The following GRIN2A variants were observed in gnomAD, a reference collection of about 807,000 sequenced individuals.
The protein encoded by GRIN2A is glutamate ionotropic receptor NMDA type subunit 2A.
Under a neutral mutation model 113.4 loss-of-function variants are expected in GRIN2A, and 22 were observed. The ratio of observed to expected loss-of-function variants is 0.19; its 90% CI spans 0.14 to 0.28. The LOEUF (loss-of-function observed/expected upper bound fraction) is 0.28. GRIN2A is among the 10% of genes least tolerant of loss of function. The pLI is 1.00. For missense variants in GRIN2A, 1,502 were observed against 1,887.0 expected (o/e 0.80, Z 3.78); for synonymous variants, 827 against 738.4 (o/e 1.12, Z -1.94).
intron 2 of GRIN2A, among the ~76,000 whole-genome samples, chr16:10,056,425 A>T (rs2047457613): frequency 6.6e-6 from 1 of 151,878 alleles, no homozygotes; most frequent in Non-Finnish European, 1.5e-5. Context: ...CTCCCTTCCC[A>T]TTCTACACCT....
At chr16:9,967,337 G>A (rs1185984626) in intron 2 of GRIN2A, among the ~76,000 whole-genome samples, 1 of 152,138 alleles carries the variant, frequency 6.6e-6, no homozygotes, top group African/African-American at 2.4e-5. Flanking sequence ...GAAGTAACTC[G>A]GGAATGGAAA....
chr16:9,872,304 C>T (rs1047340690), intron 4 of GRIN2A, among the ~76,000 whole-genome samples: 31 of 152,256 alleles, frequency 2.0e-4, no homozygotes, highest in African/African-American at 6.7e-4. Flanking sequence ...AGCTCCTAAC[C>T]GGTGCCATGC....
At chr16:9,960,126 A>C (rs2045407283) in intron 2 of GRIN2A, among the ~76,000 whole-genome samples, 1 of 152,204 alleles carries the variant, frequency 6.6e-6, no homozygotes, top group African/African-American at 2.4e-5. Flanking sequence ...CTAGTAGTAA[A>C]AAAGGAAAAA....
intron 4 of GRIN2A, among the ~76,000 whole-genome samples, chr16:9,883,057 G>A (rs550408713): frequency 1.3e-5 from 2 of 152,228 alleles, no homozygotes; most frequent in South Asian, 2.1e-4. Flanking sequence ...CACACCAGCT[G>A]GGAGATCTTA....
At chr16:9,854,903 T>C (rs1363680826) in intron 4 of GRIN2A, among the ~76,000 whole-genome samples, 1 of 152,176 alleles carries the variant, frequency 6.6e-6, no homozygotes, top group Non-Finnish European at 1.5e-5. Flanking sequence ...TCACATGCTA[T>C]TTTTGGAGCT....
At chr16:9,846,806 A>G (rs968984559) in intron 5 of GRIN2A, among the ~76,000 whole-genome samples, 1 of 152,164 alleles carries the variant, frequency 6.6e-6, no homozygotes, top group African/African-American at 2.4e-5. Flanking sequence ...CAGATCAGAA[A>G]AGACTCAGAA....
intron 2 of GRIN2A, among the ~76,000 whole-genome samples, chr16:10,125,740 C>T (rs1249939845): frequency 6.6e-6 from 1 of 152,006 alleles, no homozygotes; most frequent in Non-Finnish European, 1.5e-5. Context: ...GCCTTGCCTA[C>T]CCTGGGAAAG....
chr16:10,159,925 G>T (rs766804640), intron 2 of GRIN2A, among the ~76,000 whole-genome samples: 1 of 152,140 alleles, frequency 6.6e-6, no homozygotes, highest in Non-Finnish European at 1.5e-5. Context: ...TTACTTGCAG[G>T]AGAAACTGAA....
At chr16:9,890,742 C>G (rs1050712932) in intron 4 of GRIN2A, among the ~76,000 whole-genome samples, 11 of 152,140 alleles carry the variant, frequency 7.2e-5, no homozygotes, top group African/African-American at 2.7e-4. Flanking sequence ...CAGACCTTTC[C>G]TACTGGGATT....
chr16:9,812,236 C>G (rs549593627), intron 10 of GRIN2A, among the ~76,000 whole-genome samples: 2 of 152,044 alleles, frequency 1.3e-5, no homozygotes, highest in African/African-American at 4.8e-5. Flanking sequence ...TGATGGTCAC[C>G]GTCATATAGG....
chr16:9,983,448 T>C (rs540716364), intron 2 of GRIN2A, among the ~76,000 whole-genome samples: 5 of 151,806 alleles, frequency 3.3e-5, no homozygotes, highest in Admixed American at 6.6e-5. Context: ...TATTCTTTTT[T>C]TTTTTTTTTG....
Position 9,849,929 on chromosome 16 carries a change from C to T in GRIN2A, c.1155G>A (p.Leu385=), listed in dbSNP as rs139119497. The change falls in exon 5 of 13, where the codon CTG becomes CTA. Residue 385 remains leucine (L), a synonymous_variant. Coordinates refer to ENST00000330684, the MANE Select transcript of GRIN2A (RefSeq NM_001134407.3). ...VGKWENHTLS[L]RHAVWPRYKS... Reference sequence around the variant, plus strand: ...TGTACCTGGGCCACACGGCGTGCCTCAGGCTCAGCGTATGGTTCTCCCACT... The same window carrying T: ...TGTACCTGGGCCACACGGCGTGCCTTAGGCTCAGCGTATGGTTCTCCCACT... The T allele has an allele frequency of 1.2e-6, 2 of 1,614,084 alleles. No individual in the cohort carries two copies. Among genetic ancestry groups the T allele is most frequent in the Non-Finnish European group, 1.7e-6 (2 of 1,179,970 alleles).
At chr16:10,090,317 G>A (rs1596494335) in intron 2 of GRIN2A, among the ~76,000 whole-genome samples, 1 of 152,204 alleles carries the variant, frequency 6.6e-6, no homozygotes, top group South Asian at 2.1e-4. Flanking sequence ...CAGAAATCAA[G>A]AGAGTGTGGT....
chr16:9,994,863 T>C (rs1321204186), intron 2 of GRIN2A, among the ~76,000 whole-genome samples: 3 of 152,170 alleles, frequency 2.0e-5, no homozygotes, highest in Non-Finnish European at 4.4e-5. Flanking sequence ...GCTGGGATCT[T>C]GATGATGGTG....
chr16:9,830,306 A>T (rs1432803735), intron 8 of GRIN2A, among the ~76,000 whole-genome samples: 1 of 152,190 alleles, frequency 6.6e-6, no homozygotes, highest in African/African-American at 2.4e-5. Flanking sequence ...ATATCACAGC[A>T]CTTTTTCCAG....
intron 2 of GRIN2A, among the ~76,000 whole-genome samples, chr16:9,950,442 C>T (rs891180426): frequency 6.6e-6 from 1 of 152,064 alleles, no homozygotes; most frequent in Non-Finnish European, 1.5e-5. Context: ...GGGAGGAGGT[C>T]ACCACCCATC....
intron 2 of GRIN2A, among the ~76,000 whole-genome samples, chr16:9,964,088 C>A (rs1431414485): frequency 2.0e-5 from 3 of 152,178 alleles, no homozygotes; most frequent in Non-Finnish European, 4.4e-5. Flanking sequence ...CAAGAAAACA[C>A]AACACAGCCT....
intron 5 of GRIN2A, among the ~76,000 whole-genome samples, chr16:9,846,823 T>C (rs983006024): frequency 2.0e-5 from 3 of 152,040 alleles, no homozygotes; most frequent in African/African-American, 7.2e-5. Context: ...AGAAAACAAA[T>C]AAAGTTTCCA....
At chr16:9,807,766 C>T (rs972480879) in intron 10 of GRIN2A, among the ~76,000 whole-genome samples, 31 of 152,228 alleles carry the variant, frequency 2.0e-4, no homozygotes, top group Middle Eastern at 3.4e-3. Context: ...AGTGCAAGGC[C>T]TCAGCTGGGA....
Sources: allele counts gnomAD v4.1 joint callset (sites outside exome capture counted in the v4.1 genomes callset), GRCh38; gene constraint gnomAD v4.1.1; transcripts MANE v1.5; gene names NCBI Gene and HGNC (gene_info 2026-07-23, HGNC 2026-07-21).